DNAH8: variants seen among roughly 807,000 people sequenced by gnomAD.
DNAH8 encodes axonemal beta dynein heavy chain 8.
In DNAH8, 382 loss-of-function variants were observed where a neutral mutation model predicts 562.1. The ratio of observed to expected loss-of-function variants is 0.68; its 90% CI spans 0.63 to 0.74. DNAH8 has a LOEUF of 0.74. Ranked by LOEUF, DNAH8 falls within the 30% of genes least tolerant of loss-of-function variation. The pLI, the probability that DNAH8 is intolerant of heterozygous loss-of-function variation, is 0.00. For missense variants in DNAH8, 5,203 were observed against 5,620.4 expected, an observed-to-expected ratio of 0.93 and a Z score of 2.37; for synonymous variants, 1,881 against 1,919.4, an observed-to-expected ratio of 0.98 and a Z score of 0.52.
At chr6:38,798,032 C>T (rs116400195) in intron 21 of DNAH8, among the ~76,000 whole-genome samples, 48 of 151,490 alleles carry the variant, frequency 3.2e-4, no homozygotes, top group African/African-American at 9.7e-4. Flanking sequence ...GAGCCGAGAC[C>T]GTGTCCACTC....
At chr6:38,954,227 C>T (rs1762101607) in intron 82 of DNAH8, among the ~76,000 whole-genome samples, 1 of 152,154 alleles carries the variant, frequency 6.6e-6, no homozygotes, top group African/African-American at 2.4e-5. Context: ...AGCCTGACTA[C>T]TGGAGGAGGG....
chr6:38,907,083 CTTATAG>C (rs1426863673), intron 63 of DNAH8, among the ~76,000 whole-genome samples: 2 of 152,124 alleles, frequency 1.3e-5, no homozygotes, highest in Non-Finnish European at 2.9e-5. Flanking sequence ...GGATGTTCAA[CTTATAG>C]TTATACTCAT....
chr6:38,864,464 C>T (rs1293551435), intron 45 of DNAH8, among the ~76,000 whole-genome samples: 1 of 152,212 alleles, frequency 6.6e-6, no homozygotes, highest in Non-Finnish European at 1.5e-5. Flanking sequence ...CACATGTCCA[C>T]TGTGGGTTGA....
intron 85 of DNAH8, among the ~76,000 whole-genome samples, chr6:38,975,578 C>T (rs1191944363): frequency 6.6e-6 from 1 of 152,144 alleles, no homozygotes; most frequent in African/African-American, 2.4e-5. Context: ...CCTGGCTGCC[C>T]AGGAGAGGGA....
At chr6:38,781,465 A>G (rs1259336302) in intron 16 of DNAH8, 92 bp downstream of exon 16, 3 of 1,416,442 alleles carry the variant, frequency 2.1e-6, no homozygotes, top group East Asian at 4.9e-5. Context: ...GCATTAAAGT[A>G]GCCAACAACG....
Position 39,008,797 on chromosome 6 carries a change from C to T in DNAH8, c.13215-17C>T. ...TGTTTCCCTGTAACATTCTGAACAGCTCACTCTTTTTACTAGGTATCAGAG... is the reference window on the plus strand; with the variant it reads ...TGTTTCCCTGTAACATTCTGAACAGTTCACTCTTTTTACTAGGTATCAGAG... On this transcript the variant is annotated splice_polypyrimidine_tract_variant and intron_variant, in intron 88 of 92. Coordinates refer to ENST00000327475, the MANE Select transcript of DNAH8 (RefSeq NM_001206927.2). The T allele has an allele frequency of 6.5e-7, 1 of 1,550,372 alleles. No homozygotes were observed. The highest frequency in any genetic ancestry group is 1.4e-5 in the African/African-American group (1 of 73,284).
chr6:38,850,442 T>C, intron 38 of DNAH8, 28 bp downstream of exon 38: 4 of 1,586,722 alleles, frequency 2.5e-6, no homozygotes, highest in Non-Finnish European at 3.5e-6. Flanking sequence ...AAATCACATA[T>C]CATTTTGTAT....
At chr6:38,985,664 G>A (rs1764336213) in intron 87 of DNAH8, among the ~76,000 whole-genome samples, 1 of 152,208 alleles carries the variant, frequency 6.6e-6, no homozygotes, top group Non-Finnish European at 1.5e-5. Flanking sequence ...ACATATCTCA[G>A]AACATTTCTA....
chr6:38,768,497 C>T lies in DNAH8; in HGVS notation c.1618-1916C>T, dbSNP rs1387946343. 2.0e-5 allele frequency among the ~76,000 whole-genome samples: 3 copies of T among 152,014 alleles called. No individual in the cohort carries two copies. The East Asian group carries it at 5.8e-4, about 29-fold the overall frequency. ...GCCCAGGTGGTCTCAAACTCCTGAG[C>T]TTAAGCCATCATCTGCCTTGGCCTC... On this transcript the variant is annotated intron_variant, in intron 11 of 92. Transcript: ENST00000327475.
At chr6:38,856,161 C>G (rs1776180434) in intron 41 of DNAH8, among the ~76,000 whole-genome samples, 1 of 152,198 alleles carries the variant, frequency 6.6e-6, no homozygotes, top group African/African-American at 2.4e-5. Context: ...TTTCACTTCT[C>G]TGAGGTCAGC....
chr6:38,938,234 C>T lies in DNAH8; in HGVS notation c.11816+8C>T. On this transcript the variant is annotated splice_region_variant and intron_variant, in intron 78 of 92. Transcript: ENST00000327475. ...TGACCAGTCCATGGCCAGGTGAGTC[C>T]TCACTACCTTCATCCAAAAGTGGTG... The T allele has an allele frequency of 6.3e-7, 1 of 1,596,416 alleles. No individual in the cohort carries two copies. The highest frequency in any genetic ancestry group is 2.2e-5 in the East Asian group (1 of 44,510).
intron 53 of DNAH8, among the ~76,000 whole-genome samples, chr6:38,879,596 C>T (rs924814248): frequency 6.6e-6 from 1 of 152,156 alleles, no homozygotes; most frequent in Non-Finnish European, 1.5e-5. Context: ...CTACAGCTAA[C>T]GTTATACGGA....
chr6:39,029,271 C>G (rs560904490), intron 92 of DNAH8, among the ~76,000 whole-genome samples: 2 of 152,036 alleles, frequency 1.3e-5, no homozygotes, highest in Admixed American at 1.3e-4. Context: ...TGCCTACGCT[C>G]TCTCCTCTGT....
intron 63 of DNAH8, among the ~76,000 whole-genome samples, 185 bp from the exon 64 acceptor site, chr6:38,907,771 G>A (rs182955147): frequency 1.2e-4 from 18 of 152,302 alleles, no homozygotes. Context: ...GTTCTTGATT[G>A]AGCTGCTCAA....
chr6:38,828,337 G>GAA, intron 30 of DNAH8, 49 bp downstream of exon 30: 1 of 1,140,046 alleles, frequency 8.8e-7, no homozygotes, highest in Non-Finnish European at 1.3e-6. Context: ...ACTATCTCCA[G>GAA]AAAAAAAAGG....
In DNAH8 at chr6:38,770,136, T is replaced by C. The variant is rs114720766; in HGVS notation, c.1618-277T>C. On this transcript the variant is annotated intron_variant, in intron 11 of 92. Transcript: ENST00000327475. ...TGCGAACTGAATAGAGATGTCTTGA[T>C]AGATAATTTCTGGACCTCTTGGGAG... Among the ~76,000 whole-genome samples, 832 of 152,248 alleles carry C rather than the reference T, an allele frequency of 5.5e-3. 10 individuals carry two copies. Among genetic ancestry groups the C allele is most frequent in the African/African-American group, 0.019 (793 of 41,566 alleles).
intron 79 of DNAH8, among the ~76,000 whole-genome samples, chr6:38,940,724 G>A (rs1174950395): frequency 1.3e-5 from 2 of 152,164 alleles, no homozygotes; most frequent in East Asian, 3.8e-4. Context: ...AAAGAGCAGG[G>A]AAATGCAGTT....
intron 88 of DNAH8, among the ~76,000 whole-genome samples, chr6:39,004,518 C>G (rs575368181): frequency 1.6e-4 from 24 of 152,232 alleles, no homozygotes; most frequent in Admixed American, 9.2e-4. Flanking sequence ...TATGAAAATG[C>G]CTTATTTTGC....
chr6:38,798,073 C>CAA (rs35561819), intron 21 of DNAH8, among the ~76,000 whole-genome samples: 6 of 126,190 alleles, frequency 4.8e-5, no homozygotes, highest in Admixed American at 1.6e-4. Context: ...GACTCCGTCT[C>CAA]AAAAAAAAAA....
Sources: gnomAD v4.1 joint callset for allele counts (sites outside exome capture counted in the v4.1 genomes callset) on GRCh38, gnomAD v4.1.1 for gene constraint, MANE v1.5 for transcripts, NCBI Gene and HGNC (gene_info 2026-07-23, HGNC 2026-07-21) for gene names.